INTS4: variants seen among roughly 807,000 people sequenced by gnomAD.
The protein encoded by INTS4 is MSTP093.
Under a neutral mutation model 119.5 loss-of-function variants are expected in INTS4, and 70 were observed. The ratio of observed to expected loss-of-function variants is 0.59; its 90% CI spans 0.48 to 0.71. The LOEUF is 0.71. Among genes scored for constraint, INTS4 ranks in the 30% least tolerant of loss-of-function variants. The probability of loss-of-function intolerance (pLI) is 0.00; values close to 1 mark genes in which losing one functional copy is unlikely to be tolerated. For missense variants in INTS4, 867 were observed against 1,173.2 expected, an observed-to-expected ratio of 0.74 and a Z score of 3.81; for synonymous variants, 316 against 419.6, an observed-to-expected ratio of 0.75 and a Z score of 3.02.
intron 10 of INTS4, among the ~76,000 whole-genome samples, chr11:77,937,152 G>T (rs1450514797): frequency 1.3e-5 from 2 of 151,136 alleles, no homozygotes; most frequent in Non-Finnish European, 2.9e-5. Context: ...TTCAGCCTGG[G>T]CAAAACTCTG....
chr11:77,895,250 G>A (rs1337000546), intron 18 of INTS4, among the ~76,000 whole-genome samples: 2 of 151,656 alleles, frequency 1.3e-5, no homozygotes, highest in Admixed American at 6.6e-5. Flanking sequence ...TTTCCCACTT[G>A]TTTTCTTTAA....
intron 12 of INTS4, among the ~76,000 whole-genome samples, chr11:77,924,232 TAA>T (rs71046926): frequency 7.0e-6 from 1 of 142,650 alleles, no homozygotes. Context: ...CCATCTCTAC[TAA>T]AAAAAAAAAC....
At chr11:77,925,030 A>C in intron 11 of INTS4, 138 bp from the exon 12 acceptor site, 1 of 571,284 alleles carries the variant, frequency 1.8e-6, no homozygotes, top group Non-Finnish European at 3.1e-6. Flanking sequence ...TTTTAGCTGA[A>C]ATTCCTGAAA....
intron 9 of INTS4, among the ~76,000 whole-genome samples, chr11:77,940,777 C>T (rs1953912593): frequency 6.6e-6 from 1 of 152,100 alleles, no homozygotes; most frequent in East Asian, 1.9e-4. Context: ...GCTAGGACTA[C>T]AGGCGCATGC....
In INTS4 at chr11:77,938,693, C is replaced by T; in HGVS notation, c.1123G>A (p.Ala375Thr). The change falls in exon 10 of 23, where the codon GCT becomes ACT. Residue 375 changes from alanine to threonine, a missense_variant. Physicochemically the swap from Ala to Thr is moderately conservative, Grantham distance 58 (BLOSUM62 0). This residue lies in a region of INTS4 where 208 missense variants were observed against 306.6 expected (regional missense o/e 0.68). Transcript: ENST00000534064. ...TGAVNLIESG[A>T]CGAFVHGLED... ...AACCCATGAACAAAAGCTCCACAAG[C>T]TCCTGACTCAATCAAGTTCACAGCC... The T allele has an allele frequency of 6.2e-7, 1 of 1,611,980 alleles. No individual in the cohort carries two copies. Among genetic ancestry groups the T allele is most frequent in the South Asian group, 1.1e-5 (1 of 90,980 alleles).
At chr11:77,947,793 T>C (rs185492527) in intron 8 of INTS4, among the ~76,000 whole-genome samples, 1 of 152,218 alleles carries the variant, frequency 6.6e-6, no homozygotes, top group Non-Finnish European at 1.5e-5. Context: ...GGTCCTTTTA[T>C]GTAACCAAAG....
chr11:77,879,257 C>T (rs1565218285), intron 22 of INTS4, 130 bp from the exon 23 acceptor site: 1 of 926,430 alleles, frequency 1.1e-6, no homozygotes, highest in East Asian at 2.6e-5. Flanking sequence ...CATTCCCTCC[C>T]CTTACCCTCA....
At chr11:77,897,794 C>T (rs973084162) in intron 18 of INTS4, among the ~76,000 whole-genome samples, 5 of 151,726 alleles carry the variant, frequency 3.3e-5, no homozygotes, top group Non-Finnish European at 7.4e-5. Flanking sequence ...CGTTAGCCAC[C>T]GCACCCAGCC....
rs1565299731 is a variant in INTS4, at chr11:77,994,595, C to T, written c.49G>A (p.Val17Ile). ...KRVYEEFTKVVQPQEEIATKK... is the reference protein window; with the variant it reads ...KRVYEEFTKVIQPQEEIATKK... Reference sequence around the variant, plus strand: ...TCTTTCCCGCCAGAGCTTACCTGAACCACTTTCGTGAATTCCTCATAAACC... The same window carrying T: ...TCTTTCCCGCCAGAGCTTACCTGAATCACTTTCGTGAATTCCTCATAAACC... Residue 17 changes from valine (V) to isoleucine (I), a missense_variant, in exon 1 of 23, where the codon GTT becomes ATT. Val to Ile is a conservative substitution (Grantham distance 29). Around this residue, in one of 5 missense-constraint regions of INTS4, gnomAD observed 224 missense variants for 231.8 expected, o/e 0.97. Coordinates refer to ENST00000534064, the MANE Select transcript of INTS4 (RefSeq NM_033547.4). 6.8e-6 allele frequency: 11 copies of T among 1,612,872 alleles called. No individual in the cohort carries two copies. The highest frequency in any genetic ancestry group is 1.7e-5 in the Admixed American group (1 of 60,026).
At chr11:77,960,839 C>G in intron 5 of INTS4, 114 bp downstream of exon 5, 1 of 960,606 alleles carries the variant, frequency 1.0e-6, no homozygotes, top group Non-Finnish European at 1.5e-6. Context: ...ACCACCAATA[C>G]CCTCCTGAAA....
downstream of INTS4, among the ~76,000 whole-genome samples, chr11:77,877,741 C>T (rs1410068703): frequency 2.7e-5 from 4 of 149,656 alleles, no homozygotes; most frequent in African/African-American, 5.0e-5. Context: ...TGTTATATCA[C>T]ACTTGCAATT....
chr11:77,939,654 T>A (rs1384668536), intron 9 of INTS4, among the ~76,000 whole-genome samples: 1 of 151,794 alleles, frequency 6.6e-6, no homozygotes, highest in African/African-American at 2.4e-5. Flanking sequence ...GTTTTATATA[T>A]CAGCCTCTCA....
chr11:77,994,153 A>G (rs1053680685), intron 1 of INTS4, among the ~76,000 whole-genome samples: 1 of 151,914 alleles, frequency 6.6e-6, no homozygotes, highest in Admixed American at 6.6e-5. Context: ...CCTTGTGTAT[A>G]TTCCAACTGG....
At chr11:77,932,258 A>G (rs1410119358) in intron 10 of INTS4, among the ~76,000 whole-genome samples, 1 of 152,190 alleles carries the variant, frequency 6.6e-6, no homozygotes, top group Non-Finnish European at 1.5e-5. Flanking sequence ...AAAACAAAAC[A>G]AAACAAAAAA....
At chr11:77,980,879 G>C (rs1224941184) in intron 3 of INTS4, among the ~76,000 whole-genome samples, 7 of 152,068 alleles carry the variant, frequency 4.6e-5, no homozygotes. Context: ...TGTAGTCCCA[G>C]CTACTTGGGA....
rs985297516 is a variant in INTS4, at chr11:77,878,923, C to A, written c.*26G>T. On this transcript the variant is annotated 3_prime_UTR_variant, in exon 23 of 23. Transcript: ENST00000534064. ...TGACACCTAAGAAGGGCCCTCTAGG[C>A]CACGGTTGGGAAGACTGTTTTTGCC... 1 of 1,597,032 alleles carries A rather than the reference C, an allele frequency of 6.3e-7. No individual in the cohort carries two copies. Among genetic ancestry groups the A allele is most frequent in the South Asian group, 1.1e-5 (1 of 90,724 alleles).
intron 4 of INTS4, among the ~76,000 whole-genome samples, chr11:77,971,374 G>A (rs73501847): frequency 0.024 from 3,604 of 151,994 alleles, 134 homozygotes; most frequent in African/African-American, 0.081. Context: ...CCAGCTGGGC[G>A]AAGTGGCTCA....
At chr11:77,882,480 C>T (rs1259133689) in intron 22 of INTS4, among the ~76,000 whole-genome samples, 2 of 152,156 alleles carry the variant, frequency 1.3e-5, no homozygotes, top group Non-Finnish European at 2.9e-5. Context: ...CCTCCCAAAA[C>T]AATACTGTCC....
At chr11:77,959,895 C>T (rs1954422123) in intron 6 of INTS4, among the ~76,000 whole-genome samples, 1 of 152,078 alleles carries the variant, frequency 6.6e-6, no homozygotes, top group Non-Finnish European at 1.5e-5. Flanking sequence ...TTCATTATAC[C>T]TTTCTTTACC....
Sources: gnomAD v4.1 joint callset for allele counts (sites outside exome capture counted in the v4.1 genomes callset) on GRCh38, gnomAD v4.1.1 for gene constraint, gnomAD v4.1.1 regional missense constraint, MANE v1.5 for transcripts, NCBI Gene and HGNC (gene_info 2026-07-23, HGNC 2026-07-21) for gene names.